GRK3: variants seen among roughly 807,000 people sequenced by gnomAD.
The protein encoded by GRK3 is adrenergic, beta, receptor kinase 2.
GRK3 carries 54 observed loss-of-function variants against 95.7 expected under a neutral mutation model. That is an observed-to-expected ratio of 0.56 (90% CI 0.45 to 0.71). GRK3 has a LOEUF of 0.71. Ranked by LOEUF, GRK3 falls within the 30% of genes least tolerant of loss-of-function variation. GRK3 has a pLI of 0.00. For synonymous variants in GRK3, 281 were observed against 290.8 expected (o/e 0.97, Z 0.34); for missense variants, 649 against 851.2 (o/e 0.76, Z 2.96).
At chr22:25,587,771 C>T (rs573242971) in intron 1 of GRK3, among the ~76,000 whole-genome samples, 1 of 151,082 alleles carries the variant, frequency 6.6e-6, no homozygotes, top group Non-Finnish European at 1.5e-5. Context: ...GTAAGTCTCA[C>T]GAGATCTGAT....
At position 25,704,223 on chromosome 22, in the gene GRK3, C is replaced by G. The variant is rs1200070041; in HGVS notation, c.1328+14C>G. On this transcript the variant is annotated intron_variant, in intron 15 of 20. Transcript: ENST00000324198. ...TCACGGAGGCGGGTAGGCCATTGTT[C>G]CTGCCTTTCGGTATCTTTACCAGAA... 8 of 1,601,370 alleles carry G rather than the reference C, an allele frequency of 5.0e-6. No homozygotes were observed. The East Asian group carries it at 1.3e-4, about 27-fold the overall frequency.
chr22:25,635,054 A>C (rs1204462931), intron 2 of GRK3, among the ~76,000 whole-genome samples: 1 of 152,214 alleles, frequency 6.6e-6, no homozygotes, highest in African/African-American at 2.4e-5. Flanking sequence ...GGCTGCATGC[A>C]GACCACGATG....
At chr22:25,647,434 C>T in intron 3 of GRK3, 1 of 1,312,622 alleles carries the variant, frequency 7.6e-7, no homozygotes, top group Non-Finnish European at 1.1e-6. Context: ...CTTTCCATTC[C>T]ATTATACCAT....
rs1225079396 is a variant in GRK3 at position 25,690,290 on chromosome 22, A to C, written c.1052+7A>C. 6.2e-7 allele frequency: 1 copy of C among 1,605,940 alleles called. No individual in the cohort carries two copies. The highest frequency in any genetic ancestry group is 1.7e-5 in the Admixed American group (1 of 59,924). ...AGAAGCCTCATGCGAGTGTGTAAGT[A>C]GTGCGTCAACTTCAGTTCACCACCA... On this transcript the variant is annotated splice_region_variant and intron_variant, in intron 12 of 20. Transcript: ENST00000324198.
intron 18 of GRK3, 33 bp from the exon 19 acceptor site, chr22:25,718,212 C>T: frequency 3.1e-6 from 5 of 1,598,404 alleles, no homozygotes; most frequent in East Asian, 2.2e-5. Context: ...GTTTCAGAGC[C>T]TATTTAACTC....
chr22:25,723,172 G>C lies in GRK3; in HGVS notation c.*722G>C, dbSNP rs925080555. ...TTACAGTGATTCTGAAGGACAGGCC[G>C]TGGAGTTTTAGGTTTCAGGGGCAAG... On this transcript the variant is annotated 3_prime_UTR_variant, in exon 21 of 21. Transcript: ENST00000324198. The C allele has an allele frequency of 2.6e-5, 4 of 152,252 alleles. No individual in the cohort carries two copies. The highest frequency in any genetic ancestry group is 1.3e-4 in the Admixed American group (2 of 15,286). The allele number at this position is 152,252 out of a possible 1,614,324, so 9.4% of individuals were successfully genotyped here. A position where few individuals can be genotyped will look rare whatever the true frequency, so the allele number is the denominator to read the frequency against.
intron 1 of GRK3, among the ~76,000 whole-genome samples, chr22:25,593,784 T>C (rs1237942369): frequency 1.3e-5 from 2 of 152,110 alleles, no homozygotes; most frequent in African/African-American, 4.8e-5. Context: ...TTTTTGTATA[T>C]GGTAAAAGGT....
Position 25,695,139 on chromosome 22 carries a change from T to C in GRK3, c.1085T>C (p.Leu362Pro). 2 of 1,614,124 alleles carry C rather than the reference T, an allele frequency of 1.2e-6. No homozygotes were observed. The highest frequency in any genetic ancestry group is 1.7e-6 in the Non-Finnish European group (2 of 1,179,978). ...GTHGYMAPEVLQKGTAYDSSA... is the reference protein window; with the variant it reads ...GTHGYMAPEVPQKGTAYDSSA... ...CATGGGTACATGGCTCCCGAGGTGC[T>C]GCAGAAGGGGACGGCCTATGACAGC... The change falls in exon 13 of 21, where the codon CTG becomes CCG. Residue 362 changes from leucine (L) to proline (P), a missense_variant. Physicochemically the swap from Leu to Pro is moderately conservative, Grantham distance 98 (BLOSUM62 -3). Transcript: ENST00000324198.
chr22:25,723,958 A>AT lies in GRK3; in HGVS notation c.*1509dup, dbSNP rs1474699656. 2 of 150,950 alleles carry AT rather than the reference A, an allele frequency of 1.3e-5. No individual in the cohort carries two copies. Among genetic ancestry groups the AT allele is most frequent in the Non-Finnish European group, 2.9e-5 (2 of 67,852 alleles). 9.4% of individuals were successfully genotyped at this position (150,950 alleles called of 1,614,324 possible). A position where few individuals can be genotyped will look rare whatever the true frequency, so the allele number is the denominator to read the frequency against. On this transcript the variant is annotated 3_prime_UTR_variant, in exon 21 of 21. Coordinates refer to ENST00000324198, the MANE Select transcript of GRK3 (RefSeq NM_005160.4). ...TAAGAGTTACTTTGCAAAAAAAAAA[A>AT]TGTGGGTTTTTTTTTTTGTCTATCT... is the stretch of plus-strand genomic sequence containing the variant.
At chr22:25,666,866 C>G (rs1474470813) in intron 5 of GRK3, among the ~76,000 whole-genome samples, 1 of 152,112 alleles carries the variant, frequency 6.6e-6, no homozygotes, top group African/African-American at 2.4e-5. Context: ...ATCTAATTGA[C>G]TCTGGGCTGA....
Position 25,604,300 on chromosome 22 carries a change from C to T in GRK3, c.114-77C>T, listed in dbSNP as rs146646304. 2,846 of 1,052,588 alleles carry T rather than the reference C, an allele frequency of 2.7e-3. 43 individuals are homozygous for T. Among genetic ancestry groups the T allele is most frequent in the South Asian group, 0.024 (1,593 of 65,846 alleles). The allele number at this position is 1,052,588 out of a possible 1,614,324, so 65.2% of individuals were successfully genotyped here. A position where few individuals can be genotyped will look rare whatever the true frequency, so the allele number is the denominator to read the frequency against. Reference sequence around the variant, plus strand: ...AAAGCTGATATGAAGTCAAGACATCCGTATCTCTTCCATCCTGGGGATGGT... The same window carrying T: ...AAAGCTGATATGAAGTCAAGACATCTGTATCTCTTCCATCCTGGGGATGGT... On this transcript the variant is annotated intron_variant, in intron 1 of 20. Transcript: ENST00000324198.
rs530212068 is a variant in GRK3, at chr22:25,620,051, T to G, written c.190+15598T>G. On this transcript the variant is annotated intron_variant, in intron 2 of 20. Transcript: ENST00000324198. Reference sequence around the variant, plus strand: ...GTGTGTGTGTGTGTGTGTGTGTGTGTGTGTGTGGTTTTAAGGAGTGGAGAG... The same window carrying G: ...GTGTGTGTGTGTGTGTGTGTGTGTGGGTGTGTGGTTTTAAGGAGTGGAGAG... Among the ~76,000 whole-genome samples the G allele has an allele frequency of 1.7e-3, 250 of 146,276 alleles. 1 individual carries two copies. The highest frequency in any genetic ancestry group is 6.1e-3 in the African/African-American group (233 of 38,322).
chr22:25,620,324 G>C (rs758862360), intron 2 of GRK3, among the ~76,000 whole-genome samples: 7 of 152,014 alleles, frequency 4.6e-5, no homozygotes, highest in Non-Finnish European at 7.4e-5. Flanking sequence ...GCAAATGCAG[G>C]GCACCATGAT....
intron 8 of GRK3, among the ~76,000 whole-genome samples, chr22:25,678,448 T>C (rs1317335171): frequency 6.6e-6 from 1 of 151,916 alleles, no homozygotes; most frequent in Non-Finnish European, 1.5e-5. Context: ...AGTGAGACTC[T>C]GTCTCAAAAA....
chr22:25,595,983 G>GTA (rs754720520), intron 1 of GRK3, among the ~76,000 whole-genome samples: 1 of 152,082 alleles, frequency 6.6e-6, no homozygotes, highest in African/African-American at 2.4e-5. Flanking sequence ...ATGTATACGT[G>GTA]TATATATATG....
chr22:25,721,397 G>A lies in GRK3; in HGVS notation c.1905G>A (p.Glu635=). 1.3e-6 allele frequency: 2 copies of A among 1,523,540 alleles called. No homozygotes were observed. The highest frequency in any genetic ancestry group is 1.2e-5 in the South Asian group (1 of 84,310). 94.4% of individuals were successfully genotyped at this position (1,523,540 alleles called of 1,614,324 possible). ...KGGKQFVLQC[E]SDPEFVQWKK... ...GGAAACAATTTGTCTTGCAATGTGA[G>A]GTGAGTTTTTATTTTTTCTTAGGTG... The change falls in exon 20 of 21, where the codon GAG becomes GAA. Residue 635 remains glutamate, a splice_region_variant and synonymous_variant. Coordinates refer to ENST00000324198, the MANE Select transcript of GRK3 (RefSeq NM_005160.4).
At chr22:25,684,956 G>T (rs780573232) in intron 9 of GRK3, among the ~76,000 whole-genome samples, 16 of 152,196 alleles carry the variant, frequency 1.1e-4, no homozygotes, top group Non-Finnish European at 1.9e-4. Flanking sequence ...GTGATAATGT[G>T]TGAAGTGATG....
intron 20 of GRK3, 127 bp downstream of exon 20, chr22:25,721,524 A>G (rs1175176386): frequency 1.7e-6 from 1 of 586,312 alleles, no homozygotes; most frequent in East Asian, 3.4e-5. Context: ...GAAAGCCCCA[A>G]GGTACAAGGT....
intron 1 of GRK3, among the ~76,000 whole-genome samples, chr22:25,596,911 G>A (rs1048584553): frequency 6.6e-6 from 1 of 152,058 alleles, no homozygotes; most frequent in African/African-American, 2.4e-5. Flanking sequence ...AGCACTTATA[G>A]TACCAGCATG....
Sources: allele counts gnomAD v4.1 joint callset (sites outside exome capture counted in the v4.1 genomes callset), GRCh38; gene constraint gnomAD v4.1.1; transcripts MANE v1.5; gene names NCBI Gene and HGNC (gene_info 2026-07-23, HGNC 2026-07-21).